Variants in CRISPLD2 observed in about 807,000 individuals in gnomAD.
CRISPLD2 encodes the protein cysteine-rich secretory protein LCCL domain-containing 2.
A neutral mutation model predicts 71.1 loss-of-function variants in CRISPLD2; 47 were observed. The ratio of observed to expected loss-of-function variants is 0.66; its 90% CI spans 0.52 to 0.84. The LOEUF (loss-of-function observed/expected upper bound fraction) is 0.84, where lower values mean the gene tolerates loss of function less well. Among genes scored for constraint, CRISPLD2 ranks in the 40% least tolerant of loss-of-function variants. The pLI is 0.00. For missense variants in CRISPLD2, 830 were observed against 651.1 expected (o/e 1.27, Z -2.99); for synonymous variants, 317 against 250.1 (o/e 1.27, Z -2.52).
chr16:84,827,790 C>T (rs1302083783), intron 1 of CRISPLD2, among the ~76,000 whole-genome samples: 1 of 152,098 alleles, frequency 6.6e-6, no homozygotes, highest in Non-Finnish European at 1.5e-5. Flanking sequence ...TGGTCTCGAA[C>T]TCCTGACCTC....
Position 84,889,293 on chromosome 16 carries a change from G to C in CRISPLD2, c.1369G>C (p.Val457Leu). Residue 457 changes from valine (V) to leucine (L), a missense_variant, in exon 14 of 15, where the codon GTG (valine) becomes CTG (leucine). Transcript: ENST00000262424. Reference protein sequence around the residue: ...GVISNESGGDVDVMPVDKKKT... With the variant: ...GVISNESGGDLDVMPVDKKKT... The stretch of plus-strand genomic sequence containing the variant: ...CATCAGCAACGAGAGTGGGGGTGAC[G>C]TGGACGTGATGCCCGTGGATAAAAA... 1 of 1,614,130 alleles carries C rather than the reference G, an allele frequency of 6.2e-7. No homozygotes were observed. Among genetic ancestry groups the C allele is most frequent in the Non-Finnish European group, 8.5e-7 (1 of 1,180,014 alleles).
chr16:84,854,035 G>A (rs1917163732), intron 5 of CRISPLD2, among the ~76,000 whole-genome samples: 2 of 152,204 alleles, frequency 1.3e-5, no homozygotes, highest in African/African-American at 2.4e-5. Context: ...GAACTCCGGA[G>A]GGAGGCAGAG....
intron 1 of CRISPLD2, among the ~76,000 whole-genome samples, chr16:84,835,370 C>T (rs1435892937): frequency 2.0e-5 from 3 of 152,180 alleles, no homozygotes; most frequent in Non-Finnish European, 4.4e-5. Context: ...CAGGTGTGGG[C>T]CACCATGCCC....
rs1401516364 is a variant in CRISPLD2, at chr16:84,908,540, C to T, written c.*1898C>T. 1 of 152,206 alleles carries T rather than the reference C, an allele frequency of 6.6e-6. No individual in the cohort carries two copies. The highest frequency in any genetic ancestry group is 1.5e-5 in the Non-Finnish European group (1 of 68,062). 9.4% of individuals were successfully genotyped at this position (152,206 alleles called of 1,614,324 possible). A position where few individuals can be genotyped will look rare whatever the true frequency, so the allele number is the denominator to read the frequency against. On this transcript the variant is annotated 3_prime_UTR_variant, in exon 15 of 15. Transcript: ENST00000262424. The stretch of plus-strand genomic sequence containing the variant: ...CCCAGTGGGCTCGCTTCCAAAGCAT[C>T]CCACTCAAGGGAGACTTGAAACTTC...
At chr16:84,891,604 A>G (rs2071663390) in intron 14 of CRISPLD2, among the ~76,000 whole-genome samples, 1 of 151,994 alleles carries the variant, frequency 6.6e-6, no homozygotes, top group African/African-American at 2.4e-5. Context: ...ACATCAATTT[A>G]TTGAGCTCTT....
At chr16:84,825,059 A>C (rs542251646) in intron 1 of CRISPLD2, among the ~76,000 whole-genome samples, 6 of 152,224 alleles carry the variant, frequency 3.9e-5, no homozygotes, top group East Asian at 1.9e-4. Context: ...AGCCGAGATC[A>C]CGCCACCACT....
At chr16:84,896,204 A>AT (rs923877355) in intron 14 of CRISPLD2, among the ~76,000 whole-genome samples, 6 of 151,712 alleles carry the variant, frequency 4.0e-5, no homozygotes, top group Non-Finnish European at 8.8e-5. Context: ...CACCTGGCTA[A>AT]TTTTTTTCAT....
rs369163689 is a variant in CRISPLD2 at position 84,894,384 on chromosome 16, A to T, written c.1439+5021A>T. Reference sequence around the variant, plus strand: ...AAATATATAAACAATGACAGTGAGCATTCTTGGCCACTTGATTTTTTAAAA... The same window carrying T: ...AAATATATAAACAATGACAGTGAGCTTTCTTGGCCACTTGATTTTTTAAAA... On this transcript the variant is annotated intron_variant, in intron 14 of 14. Transcript: ENST00000262424. Among the ~76,000 whole-genome samples the T allele has an allele frequency of 2.6e-5, 4 of 152,224 alleles. No individual in the cohort carries two copies. The East Asian group carries it at 7.7e-4, about 29-fold the overall frequency.
At chr16:84,901,456 C>G (rs1156293622) in intron 14 of CRISPLD2, among the ~76,000 whole-genome samples, 1 of 149,582 alleles carries the variant, frequency 6.7e-6, no homozygotes, top group Non-Finnish European at 1.5e-5. Flanking sequence ...GGAAAGAACA[C>G]TCCTGGCTGC....
At chr16:84,842,258 T>G (rs1916791298) in intron 2 of CRISPLD2, 1 of 150,862 alleles carries the variant, frequency 6.6e-6, no homozygotes, top group Non-Finnish European at 1.5e-5. Flanking sequence ...GCTCCCCTCC[T>G]CTTCCAAGTC....
At chr16:84,875,914 C>G (rs893606876) in intron 11 of CRISPLD2, among the ~76,000 whole-genome samples, 3 of 152,034 alleles carry the variant, frequency 2.0e-5, no homozygotes, top group African/African-American at 7.2e-5. Flanking sequence ...TGAATGATCT[C>G]CCCATTGAAT....
intron 8 of CRISPLD2, among the ~76,000 whole-genome samples, chr16:84,869,667 C>T (rs959932417): frequency 1.3e-5 from 2 of 152,186 alleles, no homozygotes; most frequent in African/African-American, 4.8e-5. Flanking sequence ...CCTAAAACCT[C>T]GCGCTCAGTG....
chr16:84,851,090 C>G (rs747853158), intron 5 of CRISPLD2, among the ~76,000 whole-genome samples: 3 of 152,190 alleles, frequency 2.0e-5, no homozygotes, highest in African/African-American at 7.2e-5. Context: ...TCCTCTGGGA[C>G]CAACTGAACA....
intron 1 of CRISPLD2, among the ~76,000 whole-genome samples, chr16:84,837,162 G>A (rs1315543771): frequency 6.6e-6 from 1 of 152,216 alleles, no homozygotes; most frequent in African/African-American, 2.4e-5. Context: ...GTGCGTGGAC[G>A]CACTCGTTCA....
chr16:84,827,222 G>A (rs1027786485), intron 1 of CRISPLD2, among the ~76,000 whole-genome samples: 5 of 151,868 alleles, frequency 3.3e-5, no homozygotes, highest in Non-Finnish European at 7.4e-5. Flanking sequence ...GAAACCATGC[G>A]TGTTGAATCC....
chr16:84,874,986 A>G (rs934873788), intron 11 of CRISPLD2, among the ~76,000 whole-genome samples: 3 of 152,148 alleles, frequency 2.0e-5, no homozygotes, highest in African/African-American at 7.2e-5. Flanking sequence ...GACACCTGTA[A>G]TCTCAGCACT....
chr16:84,871,870 GAAAAAAAAAAA>G (rs56328159), intron 8 of CRISPLD2, among the ~76,000 whole-genome samples: 3,484 of 100,034 alleles, frequency 0.035, 89 homozygotes, highest in Non-Finnish European at 0.054. Context: ...TTTCAAATGA[GAAAAAAAAAAA>G]AAAAAAAAAA....
chr16:84,880,645 A>G (rs2071560449), intron 13 of CRISPLD2, 61 bp downstream of exon 13: 1 of 1,280,458 alleles, frequency 7.8e-7, no homozygotes, highest in South Asian at 1.2e-5. Flanking sequence ...TCAACATGCA[A>G]GCTCCAAGAT....
chr16:84,879,332 T>G (rs2071547820), intron 12 of CRISPLD2, among the ~76,000 whole-genome samples: 1 of 151,738 alleles, frequency 6.6e-6, no homozygotes, highest in Non-Finnish European at 1.5e-5. Flanking sequence ...TAGGAAAGAA[T>G]GGAGACTGTT....
Sources: allele counts gnomAD v4.1 joint callset (sites outside exome capture counted in the v4.1 genomes callset), GRCh38; gene constraint gnomAD v4.1.1; transcripts MANE v1.5; gene names NCBI Gene and HGNC (gene_info 2026-07-23, HGNC 2026-07-21).